ENTR1: variants seen among roughly 807,000 people sequenced by gnomAD.
The protein encoded by ENTR1 is endosome-associated-trafficking regulator 1.
A neutral mutation model predicts 47.9 loss-of-function variants in ENTR1; 47 were observed. The ratio of observed to expected loss-of-function variants is 0.98; its 90% CI spans 0.78 to 1.25. The LOEUF is 1.25. ENTR1 is among the 50% of genes most tolerant of loss of function. ENTR1 has a pLI of 0.00. For synonymous variants in ENTR1, 290 were observed against 245.8 expected, an observed-to-expected ratio of 1.18 and a Z score of -1.68; for missense variants, 668 against 570.5, an observed-to-expected ratio of 1.17 and a Z score of -1.74.
At chr9:136,408,636 C>T (rs1427993068) in intron 3 of ENTR1, among the ~76,000 whole-genome samples, 1 of 152,148 alleles carries the variant, frequency 6.6e-6, no homozygotes, top group Non-Finnish European at 1.5e-5. Context: ...CCCAGTGCCC[C>T]CTGACCCTCT....
intron 9 of ENTR1, among the ~76,000 whole-genome samples, chr9:136,403,475 GGGACAGGGTTCCTGGGAGAAAGGGA>G (rs1834611211): frequency 6.8e-6 from 1 of 147,218 alleles, no homozygotes; most frequent in African/African-American, 2.6e-5. Flanking sequence ...GGGGAAGAAA[GGGACAGGGTTCCTGGGAGAAAGGGA>G]GGGGCTGGGG....
At position 136,410,598 on chromosome 9, in the gene ENTR1, C is replaced by A; in HGVS notation, c.-201G>T. 1 of 1,269,790 alleles carries A rather than the reference C, an allele frequency of 7.9e-7. No homozygotes were observed. The highest frequency in any genetic ancestry group is 1.0e-6 in the Non-Finnish European group (1 of 998,288). 78.7% of individuals were successfully genotyped at this position (1,269,790 alleles called of 1,614,324 possible). A position where few individuals can be genotyped will look rare whatever the true frequency, so the allele number is the denominator to read the frequency against. ...AAAGCGCGTGCCTGAACGCCTTGGG[C>A]CGTCGGCGAGGGGGAGGGGAAGCCG... On this transcript the variant is annotated 5_prime_UTR_variant, in exon 1 of 10. Transcript: ENST00000357365.
chr9:136,402,681 A>T lies in ENTR1; in HGVS notation c.*107T>A. The T allele has an allele frequency of 1.3e-6, 1 of 748,258 alleles. No individual in the cohort carries two copies. The highest frequency in any genetic ancestry group is 2.3e-6 in the Non-Finnish European group (1 of 441,914). The allele number at this position is 748,258 out of a possible 1,614,324, so 46.4% of individuals were successfully genotyped here. ...ACTGGACTCTTGCGATCAACACTTTACTCTGGGTGAAGACTGCATATTTAA... is the reference window on the plus strand; with the variant it reads ...ACTGGACTCTTGCGATCAACACTTTTCTCTGGGTGAAGACTGCATATTTAA... On this transcript the variant is annotated 3_prime_UTR_variant, in exon 10 of 10. Coordinates refer to ENST00000357365, the MANE Select transcript of ENTR1 (RefSeq NM_001039707.2).
chr9:136,403,539 C>T (rs1216025099), intron 9 of ENTR1, among the ~76,000 whole-genome samples: 1 of 151,888 alleles, frequency 6.6e-6, no homozygotes, highest in Non-Finnish European at 1.5e-5. Flanking sequence ...ACTCCTAGCT[C>T]CTCTTGGAGG....
rs866493570 is a variant in ENTR1 at position 136,407,175 on chromosome 9, G to A, written c.789C>T (p.His263=). 8.1e-6 allele frequency: 13 copies of A among 1,607,238 alleles called. No homozygotes were observed. Among genetic ancestry groups the A allele is most frequent in the Non-Finnish European group, 1.1e-5 (13 of 1,175,620 alleles). Residue 263 remains histidine (H), a synonymous_variant, in exon 5 of 10, where the codon CAC becomes CAT. Coordinates refer to ENST00000357365, the MANE Select transcript of ENTR1 (RefSeq NM_001039707.2). ...CGTAACTTATCTGCAGCGTCCGCAG[G>A]TGCCTGTCTCCCAGAGACTCTCCAT... ...AVHGESLGDR[H]LRTLQISYDA...
chr9:136,404,718 C>T, intron 7 of ENTR1, 25 bp from the exon 8 acceptor site: 2 of 1,612,738 alleles, frequency 1.2e-6, no homozygotes, highest in Non-Finnish European at 1.7e-6. Context: ...AGAAAAACCA[C>T]AAAAAGCATC....
At chr9:136,404,232 G>A (rs534516536) in intron 8 of ENTR1, 38 bp from the exon 9 acceptor site, 99 of 1,558,964 alleles carry the variant, frequency 6.4e-5, no homozygotes, top group Admixed American at 3.1e-4. Context: ...GAGCAGCTCC[G>A]AGGCAACCCG....
Position 136,404,649 on chromosome 9 carries a change from C to A in ENTR1, c.1050G>T (p.Gln350His). ...TAATTACCTGGAGCAAACTGATTTC[C>A]TGTTTTAGTTTCACGACGTGGTTTT... is the stretch of plus-strand genomic sequence containing the variant. ...KAENHVVKLKQEISLLQAQVS... is the reference protein window; with the variant it reads ...KAENHVVKLKHEISLLQAQVS... The change falls in exon 8 of 10, where the codon CAG (glutamine) becomes CAT (histidine). Residue 350 changes from glutamine (Q) to histidine (H), a missense_variant. Physicochemically the swap from Gln to His is conservative, Grantham distance 24. Coordinates refer to ENST00000357365, the MANE Select transcript of ENTR1 (RefSeq NM_001039707.2). The A allele has an allele frequency of 6.2e-7, 1 of 1,614,108 alleles. No homozygotes were observed. Among genetic ancestry groups the A allele is most frequent in the Non-Finnish European group, 8.5e-7 (1 of 1,180,006 alleles).
chr9:136,410,117 G>A lies in ENTR1; in HGVS notation c.193C>T (p.Pro65Ser). Reference protein sequence around the residue: ...RPAFMCYVPSPVLASVGDTDF... With the variant: ...RPAFMCYVPSSVLASVGDTDF... ...GTGTCTCCCACGGAAGCCAGCACCG[G>A]GCTGGGCACATAGCACATAAAGGCC... The change falls in exon 2 of 10, where the codon CCG becomes TCG. Residue 65 changes from proline to serine, a missense_variant. By Grantham distance (74) the Pro-to-Ser change is moderately conservative. Transcript: ENST00000357365. 3.7e-6 allele frequency: 6 copies of A among 1,612,878 alleles called. No individual in the cohort carries two copies. Among genetic ancestry groups the A allele is most frequent in the Non-Finnish European group, 4.2e-6 (5 of 1,179,960 alleles).
At chr9:136,408,201 T>C (rs1427351505) in intron 3 of ENTR1, among the ~76,000 whole-genome samples, 1 of 152,014 alleles carries the variant, frequency 6.6e-6, no homozygotes, top group Non-Finnish European at 1.5e-5. Context: ...AAAGCTCCCC[T>C]GGGGAGCTTT....
chr9:136,408,160 C>A (rs1399747896), intron 3 of ENTR1, among the ~76,000 whole-genome samples: 1 of 152,168 alleles, frequency 6.6e-6, no homozygotes, highest in Admixed American at 6.5e-5. Context: ...TTCCACCCCT[C>A]GGCCCCTGCT....
Position 136,409,016 on chromosome 9 carries a change from TGGGCTCCTGAC to T in ENTR1, c.261_271del (p.Ser88ArgfsTer7), listed in dbSNP as rs763104167. 7 of 1,613,840 alleles carry T rather than the reference TGGGCTCCTGAC, an allele frequency of 4.3e-6. No homozygotes were observed. In the African/African-American group the frequency reaches 9.3e-5, roughly 22 times the overall value. ...TACTCTACCTCCAAAATGTGTCCCG[TGGGCTCCTGAC>T]GGGCTCTGCTTAGAACATTTCCCCT... On this transcript the variant is annotated frameshift_variant, in exon 3 of 10. Coordinates refer to ENST00000357365, the MANE Select transcript of ENTR1 (RefSeq NM_001039707.2). LOFTEE classifies it high-confidence loss of function.
In ENTR1 at chr9:136,410,574, A is replaced by C. The variant is rs1275033267; in HGVS notation, c.-177T>G. 21 of 1,178,824 alleles carry C rather than the reference A, an allele frequency of 1.8e-5. No homozygotes were observed. The highest frequency in any genetic ancestry group is 1.2e-5 in the Non-Finnish European group (11 of 933,346). 73.0% of individuals were successfully genotyped at this position (1,178,824 alleles called of 1,614,324 possible). ...CCGCTGCTTCCGCTCCGAGCACCGA[A>C]AGCGCGTGCCTGAACGCCTTGGGCC... On this transcript the variant is annotated 5_prime_UTR_variant, in exon 1 of 10. Coordinates refer to ENST00000357365, the MANE Select transcript of ENTR1 (RefSeq NM_001039707.2).
At chr9:136,408,640 A>C (rs1299035205) in intron 3 of ENTR1, among the ~76,000 whole-genome samples, 3 of 152,072 alleles carry the variant, frequency 2.0e-5, no homozygotes, top group African/African-American at 7.2e-5. Flanking sequence ...GTGCCCCCTG[A>C]CCCTCTTCCC....
In ENTR1 at chr9:136,410,550, C is replaced by A; in HGVS notation, c.-153G>T. Reference sequence around the variant, plus strand: ...GCCCCCGCGCCTCCGAGCCTCTCGCCGCTGCTTCCGCTCCGAGCACCGAAA... The same window carrying A: ...GCCCCCGCGCCTCCGAGCCTCTCGCAGCTGCTTCCGCTCCGAGCACCGAAA... On this transcript the variant is annotated 5_prime_UTR_variant, in exon 1 of 10. Transcript: ENST00000357365. 1 of 1,125,374 alleles carries A rather than the reference C, an allele frequency of 8.9e-7. No homozygotes were observed. The highest frequency in any genetic ancestry group is 1.1e-6 in the Non-Finnish European group (1 of 893,312). 69.7% of individuals were successfully genotyped at this position (1,125,374 alleles called of 1,614,324 possible). A position where few individuals can be genotyped will look rare whatever the true frequency, so the allele number is the denominator to read the frequency against.
At chr9:136,407,706 C>T (rs1037263529) in intron 4 of ENTR1, 120 bp downstream of exon 4, 39 of 1,353,878 alleles carry the variant, frequency 2.9e-5, no homozygotes, top group Non-Finnish European at 3.8e-5. Context: ...CCCAGAGCTG[C>T]TCCCCAGCAC....
In ENTR1 at chr9:136,407,539, CCCAGG is replaced by C; in HGVS notation, c.420_424del (p.Leu141ThrfsTer2). The C allele has an allele frequency of 6.3e-7, 1 of 1,588,348 alleles. No homozygotes were observed. Among genetic ancestry groups the C allele is most frequent in the Non-Finnish European group, 8.5e-7 (1 of 1,171,072 alleles). On this transcript the variant is annotated frameshift_variant, in exon 5 of 10. Coordinates refer to ENST00000357365, the MANE Select transcript of ENTR1 (RefSeq NM_001039707.2). LOFTEE classifies it high-confidence loss of function. ...GGAGGGTGGGGAGTTGTGGTCAAGT[CCCAGG>C]GAATGCCTCGAGGCTTCCTAAAAAA...
chr9:136,409,924 C>T, intron 2 of ENTR1, 166 bp downstream of exon 2: 1 of 850,022 alleles, frequency 1.2e-6, no homozygotes, highest in East Asian at 2.6e-5. Context: ...CGCAACCAGA[C>T]TGTGAGCTCC....
chr9:136,408,509 T>A (rs552940194), intron 3 of ENTR1, among the ~76,000 whole-genome samples: 1 of 150,900 alleles, frequency 6.6e-6, no homozygotes, highest in Non-Finnish European at 1.5e-5. Context: ...ACCTGGGAGG[T>A]GGAGCTTGCA....
Sources: allele counts gnomAD v4.1 joint callset (sites outside exome capture counted in the v4.1 genomes callset), GRCh38; gene constraint gnomAD v4.1.1; transcripts MANE v1.5; gene names NCBI Gene and HGNC (gene_info 2026-07-23, HGNC 2026-07-21).